The following SEC24D variants were observed in gnomAD, a reference collection of about 807,000 sequenced individuals.
The protein encoded by SEC24D is protein transport protein Sec24D.
SEC24D carries 69 observed loss-of-function variants against 116.9 expected under a neutral mutation model. That is an observed-to-expected ratio of 0.59 (90% CI 0.49 to 0.72). The LOEUF is 0.72. Ranked by LOEUF, SEC24D falls within the 30% of genes least tolerant of loss-of-function variation. SEC24D has a pLI of 0.00. For missense variants in SEC24D, 1,131 were observed against 1,264.1 expected, an observed-to-expected ratio of 0.89 and a Z score of 1.60; for synonymous variants, 405 against 442.8, an observed-to-expected ratio of 0.91 and a Z score of 1.07.
intron 10 of SEC24D, among the ~76,000 whole-genome samples, 171 bp from the exon 11 acceptor site, chr4:118,758,016 T>C (rs1357964174): frequency 6.6e-6 from 1 of 152,194 alleles, no homozygotes; most frequent in African/African-American, 2.4e-5. Flanking sequence ...TGGTTTCAGA[T>C]GCTATTAAAA....
chr4:118,790,234 T>A (rs1728837641), intron 8 of SEC24D, among the ~76,000 whole-genome samples: 1 of 152,174 alleles, frequency 6.6e-6, no homozygotes, highest in South Asian at 2.1e-4. Context: ...CATTTATAAC[T>A]GAAAAATATA....
At chr4:118,725,183 T>C (rs539929853) in intron 22 of SEC24D, among the ~76,000 whole-genome samples, 1 of 152,318 alleles carries the variant, frequency 6.6e-6, no homozygotes, top group South Asian at 2.1e-4. Context: ...GCTAATTCCA[T>C]GTGGATACAG....
intron 6 of SEC24D, among the ~76,000 whole-genome samples, chr4:118,811,621 T>C (rs1452263275): frequency 1.3e-5 from 2 of 152,210 alleles, no homozygotes; most frequent in Non-Finnish European, 2.9e-5. Flanking sequence ...CAGATGCCTT[T>C]AGACTTGAGC....
intron 21 of SEC24D, 62 bp downstream of exon 21, chr4:118,731,254 T>A: frequency 7.2e-7 from 1 of 1,387,656 alleles, no homozygotes; most frequent in Non-Finnish European, 1.0e-6. Flanking sequence ...TGCACATAAA[T>A]AAAAACATTT....
At chr4:118,735,440 C>T (rs968208218) in intron 19 of SEC24D, among the ~76,000 whole-genome samples, 2 of 152,048 alleles carry the variant, frequency 1.3e-5, no homozygotes, top group Non-Finnish European at 2.9e-5. Context: ...TCATATAAGT[C>T]GAGCTTGCTT....
intron 19 of SEC24D, among the ~76,000 whole-genome samples, chr4:118,735,179 T>G (rs978191177): frequency 5.3e-5 from 8 of 152,138 alleles, no homozygotes; most frequent in Non-Finnish European, 7.4e-5. Context: ...GAGATTGGAT[T>G]ATAGAAGGCA....
At chr4:118,811,459 A>AT (rs1729919070) in intron 6 of SEC24D, among the ~76,000 whole-genome samples, 1 of 152,240 alleles carries the variant, frequency 6.6e-6, no homozygotes, top group Admixed American at 6.5e-5. Context: ...CTATGAAAGT[A>AT]TTTTAAAAGT....
chr4:118,802,276 T>C (rs1293643114), intron 7 of SEC24D, among the ~76,000 whole-genome samples: 1 of 152,206 alleles, frequency 6.6e-6, no homozygotes, highest in East Asian at 1.9e-4. Context: ...AGGAATAATA[T>C]TTTAAAGTTT....
intron 8 of SEC24D, among the ~76,000 whole-genome samples, chr4:118,782,642 A>G (rs1728467496): frequency 1.3e-5 from 2 of 152,348 alleles, no homozygotes; most frequent in South Asian, 4.1e-4. Flanking sequence ...GAGCTGTCAG[A>G]CAGGGATGTT....
intron 22 of SEC24D, 48 bp downstream of exon 22, chr4:118,728,513 G>A (rs1159316492): frequency 1.6e-6 from 2 of 1,213,308 alleles, no homozygotes; most frequent in Admixed American, 4.0e-5. Flanking sequence ...AGTCTTTAAT[G>A]AAATTTTTAA....
At chr4:118,759,348 C>T (rs751114343) in intron 10 of SEC24D, among the ~76,000 whole-genome samples, 4 of 152,122 alleles carry the variant, frequency 2.6e-5, no homozygotes, top group Non-Finnish European at 4.4e-5. Context: ...AACAATGTTT[C>T]GGCCCATCCC....
chr4:118,767,041 G>A lies in SEC24D; in HGVS notation c.1180+1132C>T, dbSNP rs570393085. Among the ~76,000 whole-genome samples the A allele has an allele frequency of 1.2e-4, 19 of 152,264 alleles. No individual in the cohort carries two copies. The East Asian group carries it at 1.7e-3, about 14-fold the overall frequency. On this transcript the variant is annotated intron_variant, in intron 9 of 22. Transcript: ENST00000280551. The stretch of plus-strand genomic sequence containing the variant: ...CCATAGTTAATGTAAGGAGAGAGAC[G>A]TACCAAGAGGCTTAGGCCATAGGCT...
In SEC24D at chr4:118,738,294, C is replaced by T; in HGVS notation, c.2463G>A (p.Arg821=). The T allele has an allele frequency of 6.2e-7, 1 of 1,613,544 alleles. No individual in the cohort carries two copies. Among genetic ancestry groups the T allele is most frequent in the Non-Finnish European group, 8.5e-7 (1 of 1,179,566 alleles). ...CTGCAGAAGGACTTGCACAATTCTT[C>T]CGGTAACATGCCAACATATGGGCAG... ...NQTAHMLACY[R]KNCASPSAAS... Residue 821 remains arginine, a synonymous_variant, in exon 19 of 23, where the codon CGG becomes CGA. Coordinates refer to ENST00000280551, the MANE Select transcript of SEC24D (RefSeq NM_014822.4).
At chr4:118,765,410 G>A (rs1344118889) in intron 9 of SEC24D, among the ~76,000 whole-genome samples, 1 of 152,214 alleles carries the variant, frequency 6.6e-6, no homozygotes, top group East Asian at 1.9e-4. Flanking sequence ...TAAGAGTGGA[G>A]AGGATTACTG....
chr4:118,781,522 T>A (rs1025234923), intron 8 of SEC24D, among the ~76,000 whole-genome samples: 4 of 152,166 alleles, frequency 2.6e-5, no homozygotes, highest in African/African-American at 9.7e-5. Context: ...CCCTTAACAT[T>A]TTTTCCTTCA....
At chr4:118,791,844 G>A (rs893211640) in intron 8 of SEC24D, among the ~76,000 whole-genome samples, 4 of 152,106 alleles carry the variant, frequency 2.6e-5, no homozygotes, top group African/African-American at 9.7e-5. Context: ...TGCCCAGGCT[G>A]GAGTGCAGTG....
rs1185148886 is a variant in SEC24D at position 118,751,176 on chromosome 4, C to CTTTTTTTTTTTTTTTTT, written c.1707+803_1707+819dup. On this transcript the variant is annotated intron_variant, in intron 13 of 22. Coordinates refer to ENST00000280551, the MANE Select transcript of SEC24D (RefSeq NM_014822.4). ...TAATAATGATGATTTAGAGTGAGGG[C>CTTTTTTTTTTTTTTTTT]TTTTTTTTTTTTTTTTTTTGAGATG... 6.8e-4 allele frequency among the ~76,000 whole-genome samples: 68 copies of CTTTTTTTTTTTTTTTTT among 100,324 alleles called. 7 individuals carry two copies. Among genetic ancestry groups the CTTTTTTTTTTTTTTTTT allele is most frequent in the East Asian group, 1.4e-3 (4 of 2,772 alleles). The allele number at this position is 100,324 out of a possible 152,430, so 65.8% of individuals were successfully genotyped here. A position where few individuals can be genotyped will look rare whatever the true frequency, so the allele number is the denominator to read the frequency against.
intron 18 of SEC24D, 116 bp from the exon 19 acceptor site, chr4:118,738,495 T>C: frequency 1.3e-6 from 1 of 747,332 alleles, no homozygotes; most frequent in Non-Finnish European, 2.4e-6. Flanking sequence ...GCAAGAATAA[T>C]AGCATTTAAA....
chr4:118,829,811 TC>T (rs1279774277), intron 2 of SEC24D, among the ~76,000 whole-genome samples: 1 of 148,242 alleles, frequency 6.7e-6, no homozygotes, highest in African/African-American at 2.5e-5. Flanking sequence ...AAACTCCGTC[TC>T]AAAAAAAAAA....
Sources: allele counts gnomAD v4.1 joint callset (sites outside exome capture counted in the v4.1 genomes callset), GRCh38; gene constraint gnomAD v4.1.1; transcripts MANE v1.5; gene names NCBI Gene and HGNC (gene_info 2026-07-23, HGNC 2026-07-21).